Variants in HIVEP3 observed in about 807,000 individuals in gnomAD.
HIVEP3 encodes the protein transcription factor HIVEP3.
A neutral mutation model predicts 152.8 loss-of-function variants in HIVEP3; 49 were observed. The observed-to-expected ratio is 0.32, with a 90% confidence interval of 0.26 to 0.41. The LOEUF (loss-of-function observed/expected upper bound fraction) is 0.41. Ranked by LOEUF, HIVEP3 falls within the 10% of genes least tolerant of loss-of-function variation. The pLI, the probability that HIVEP3 is intolerant of heterozygous loss-of-function variation, is 1.00. For synonymous variants in HIVEP3, 1,269 were observed against 1,289.0 expected, an observed-to-expected ratio of 0.98 and a Z score of 0.33; for missense variants, 2,790 against 3,103.3, an observed-to-expected ratio of 0.90 and a Z score of 2.40.
intron 1 of HIVEP3, among the ~76,000 whole-genome samples, chr1:41,960,499 C>A (rs1645163951): frequency 6.6e-6 from 1 of 152,184 alleles, no homozygotes; most frequent in South Asian, 2.1e-4. Flanking sequence ...GAGTTCAACT[C>A]CCTTGCCTCA....
chr1:41,833,037 G>A (rs951040709), intron 1 of HIVEP3, among the ~76,000 whole-genome samples: 1 of 152,198 alleles, frequency 6.6e-6, no homozygotes, highest in South Asian at 2.1e-4. Flanking sequence ...ACAAATGCAA[G>A]TAGAAGCTCT....
rs144815429 is a variant in HIVEP3 at position 41,904,062 on chromosome 1, A to G, written c.-801+14351T>C. On this transcript the variant is annotated intron_variant, in intron 1 of 8. Transcript: ENST00000372583. ...CAGGCATGTGCCACCATGCCCAGCT[A>G]ATTTTTACATTTTTAGTAGAGATGG... Among the ~76,000 whole-genome samples the G allele has an allele frequency of 3.0e-3, 460 of 151,962 alleles. 2 individuals carry two copies. The highest frequency in any genetic ancestry group is 0.011 in the African/African-American group (451 of 41,432).
chr1:41,951,631 T>C (rs1360916066), intron 1 of HIVEP3, among the ~76,000 whole-genome samples: 1 of 152,218 alleles, frequency 6.6e-6, no homozygotes, highest in African/African-American at 2.4e-5. Flanking sequence ...AGAGTTTCAA[T>C]TGACTCGCAG....
chr1:41,630,286 G>C (rs1645175648), intron 2 of HIVEP3, among the ~76,000 whole-genome samples: 1 of 152,176 alleles, frequency 6.6e-6, no homozygotes, highest in Non-Finnish European at 1.5e-5. Context: ...GTGGGGGAGA[G>C]AGAGGGAGGG....
intron 2 of HIVEP3, among the ~76,000 whole-genome samples, chr1:41,653,629 T>A (rs1456395160): frequency 6.6e-6 from 1 of 152,188 alleles, no homozygotes; most frequent in Non-Finnish European, 1.5e-5. Context: ...CCCATGATGA[T>A]GATGGTTTCC....
Position 41,582,253 on chromosome 1 carries a change from G to A in HIVEP3, c.2545C>T (p.Arg849Cys), listed in dbSNP as rs267598600. The change falls in exon 4 of 9, where the codon CGC (arginine) becomes TGC (cysteine). Residue 849 changes from arginine (R) to cysteine (C), a missense_variant. By Grantham distance (180) the Arg-to-Cys change is radical (BLOSUM62 -3). Transcript: ENST00000372583. The surrounding 1 kb of genome is among the most constrained non-coding windows in gnomAD (Gnocchi z 4.7). The part of the protein sequence containing the change: ...SAHSLQPKLV[R>C]QPNIQVPEIL... ...TCAGGAACCTGAATGTTGGGCTGGC[G>A]GACCAACTTAGGCTGCAGGGAGTGA... 4.3e-6 allele frequency: 7 copies of A among 1,613,832 alleles called. No homozygotes were observed. The highest frequency in any genetic ancestry group is 1.7e-4 in the Middle Eastern group (1 of 6,060).
At chr1:41,963,133 T>G (rs1297112761) in intron 1 of HIVEP3, among the ~76,000 whole-genome samples, 1 of 152,098 alleles carries the variant, frequency 6.6e-6, no homozygotes, top group African/African-American at 2.4e-5. Flanking sequence ...TGCCTCAGCC[T>G]CCCATGTAGC....
chr1:41,763,524 G>A (rs531320619), intron 1 of HIVEP3, among the ~76,000 whole-genome samples: 12 of 152,154 alleles, frequency 7.9e-5, no homozygotes, highest in Non-Finnish European at 1.2e-4. Context: ...CCTAAGCACC[G>A]TTCATTCACT....
In HIVEP3 at chr1:41,580,576, T is replaced by A; in HGVS notation, c.4222A>T (p.Thr1408Ser). The A allele has an allele frequency of 9.3e-6, 15 of 1,614,212 alleles. No individual in the cohort carries two copies. The highest frequency in any genetic ancestry group is 1.3e-5 in the Non-Finnish European group (15 of 1,180,046). Residue 1408 changes from threonine (T) to serine (S), a missense_variant, in exon 4 of 9, where the codon ACT becomes TCT. Physicochemically the swap from Thr to Ser is moderately conservative, Grantham distance 58. This residue lies in a region of HIVEP3 where 1,078 missense variants were observed against 1,165.3 expected (regional missense o/e 0.93). Coordinates refer to ENST00000372583, the MANE Select transcript of HIVEP3 (RefSeq NM_024503.5). Reference protein sequence around the residue: ...VPVTLPERKGTSLSSESILSL... With the variant: ...VPVTLPERKGSSLSSESILSL... ...AAGATACTCTCTGATGACAGGGAAG[T>A]GCCTTTTCTTTCAGGTAATGTCACA...
At chr1:41,956,394 T>A (rs552209693) in intron 1 of HIVEP3, among the ~76,000 whole-genome samples, 11 of 152,264 alleles carry the variant, frequency 7.2e-5, no homozygotes, top group South Asian at 2.1e-4. Flanking sequence ...TGGAGGCTGA[T>A]CCTAAGCAAG....
At chr1:41,823,133 A>G (rs1642658166) in intron 1 of HIVEP3, among the ~76,000 whole-genome samples, 2 of 152,196 alleles carry the variant, frequency 1.3e-5, no homozygotes, top group South Asian at 4.1e-4. Context: ...CCACCATGTG[A>G]GTACATAGCA....
chr1:41,957,359 G>A (rs931162539), intron 1 of HIVEP3, among the ~76,000 whole-genome samples: 1 of 152,230 alleles, frequency 6.6e-6, no homozygotes, highest in Non-Finnish European at 1.5e-5. Flanking sequence ...TGCTAAACAA[G>A]TAGGGGTTAG....
chr1:41,708,179 C>T (rs900940095), intron 1 of HIVEP3, among the ~76,000 whole-genome samples: 1 of 152,174 alleles, frequency 6.6e-6, no homozygotes, highest in South Asian at 2.1e-4. Flanking sequence ...TGAGAGAGTG[C>T]TTCATGTACC....
chr1:41,606,407 T>C (rs1361146585), intron 3 of HIVEP3, among the ~76,000 whole-genome samples: 2 of 151,978 alleles, frequency 1.3e-5, no homozygotes, highest in Non-Finnish European at 2.9e-5. Context: ...AACAATTACA[T>C]TCTCATCGAC....
chr1:41,728,885 G>A lies in HIVEP3; in HGVS notation c.-800-27890C>T, dbSNP rs1646796684. On this transcript the variant is annotated intron_variant, in intron 1 of 8. Coordinates refer to ENST00000372583, the MANE Select transcript of HIVEP3 (RefSeq NM_024503.5). ...GGGTCCCAGAGAGGTTTAGGAGGGG[G>A]TTTCTCTGCTGGGTGTTTGCTCAGT... 2.6e-5 allele frequency among the ~76,000 whole-genome samples: 4 copies of A among 152,202 alleles called. No homozygotes were observed. The South Asian group carries it at 8.3e-4, about 32-fold the overall frequency.
chr1:41,891,292 T>C (rs1055705933), intron 1 of HIVEP3, among the ~76,000 whole-genome samples: 1 of 152,158 alleles, frequency 6.6e-6, no homozygotes, highest in African/African-American at 2.4e-5. Context: ...GCCCCAAACT[T>C]ATTTCCCAAT....
Position 41,511,339 on chromosome 1 carries a change from T to C in HIVEP3, c.6406-73A>G. The C allele has an allele frequency of 2.3e-6, 3 of 1,324,252 alleles. No individual in the cohort carries two copies. The highest frequency in any genetic ancestry group is 3.1e-6 in the Non-Finnish European group (3 of 979,908). 82.0% of individuals were successfully genotyped at this position (1,324,252 alleles called of 1,614,324 possible). On this transcript the variant is annotated intron_variant, in intron 8 of 8. Transcript: ENST00000372583. The surrounding 1 kb of genome is among the most constrained non-coding windows in gnomAD (Gnocchi z 4.9). Reference sequence around the variant, plus strand: ...CACATGGGGAGCCGAGGCCTGGAAGTGGGAGGGGGACTCGCCCAAGATCAC... The same window carrying C: ...CACATGGGGAGCCGAGGCCTGGAAGCGGGAGGGGGACTCGCCCAAGATCAC...
intron 1 of HIVEP3, among the ~76,000 whole-genome samples, chr1:41,933,724 GT>G (rs150071344): frequency 2.6e-5 from 4 of 151,770 alleles, no homozygotes; most frequent in East Asian, 1.9e-4. Context: ...TGTTCCTTCT[GT>G]TTTTTTCTTC....
chr1:41,880,961 C>A (rs1644251563), intron 1 of HIVEP3, among the ~76,000 whole-genome samples: 1 of 152,204 alleles, frequency 6.6e-6, no homozygotes, highest in Non-Finnish European at 1.5e-5. Context: ...ATGTCTAGTT[C>A]TAATATAACA....
Sources: gnomAD v4.1 joint callset for allele counts (sites outside exome capture counted in the v4.1 genomes callset) on GRCh38, gnomAD v4.1.1 for gene constraint, gnomAD v4.1.1 regional missense constraint, Gnocchi (gnomAD v3.1) non-coding constraint, MANE v1.5 for transcripts, NCBI Gene and HGNC (gene_info 2026-07-23, HGNC 2026-07-21) for gene names.